ARIH2: variants seen among roughly 807,000 people sequenced by gnomAD.
ARIH2 encodes the protein ariadne RBR E3 ubiquitin protein ligase 2, also known as E3 ubiquitin-protein ligase ARIH2.
In ARIH2, 12 loss-of-function variants were observed where a neutral mutation model predicts 79.8. The observed-to-expected ratio is 0.15, with a 90% CI of 0.10 to 0.24. ARIH2 has a LOEUF of 0.24. ARIH2 is among the 10% of genes least tolerant of loss of function. ARIH2 has a pLI of 1.00. For missense variants in ARIH2, 301 were observed against 618.3 expected, an observed-to-expected ratio of 0.49 and a Z score of 5.44; for synonymous variants, 224 against 213.9, an observed-to-expected ratio of 1.05 and a Z score of -0.41.
At chr3:48,919,376 G>T in intron 1 of ARIH2, 2 of 453,862 alleles carry the variant, frequency 4.4e-6, no homozygotes. Context: ...TTTAACGCCC[G>T]CCTGTGGAGG....
At chr3:48,966,108 A>AT (rs2091770109) in intron 5 of ARIH2, among the ~76,000 whole-genome samples, 2 of 152,210 alleles carry the variant, frequency 1.3e-5, no homozygotes, top group Non-Finnish European at 2.9e-5. Context: ...TAGAAGCTGT[A>AT]TTTTAACAAT....
chr3:48,970,736 G>C, intron 8 of ARIH2, 32 bp downstream of exon 8: 1 of 1,534,816 alleles, frequency 6.5e-7, no homozygotes, highest in South Asian at 1.1e-5. Context: ...GAGCAGCCCT[G>C]GGCTCATGCC....
At chr3:48,932,254 T>C (rs1576170432) in intron 3 of ARIH2, among the ~76,000 whole-genome samples, 1 of 152,142 alleles carries the variant, frequency 6.6e-6, no homozygotes, top group Non-Finnish European at 1.5e-5. Context: ...AGAAGCATTA[T>C]TTGAGAATGA....
intron 11 of ARIH2, among the ~76,000 whole-genome samples, chr3:48,976,917 C>A (rs966316788): frequency 8.1e-5 from 12 of 148,812 alleles, no homozygotes; most frequent in Admixed American, 2.0e-4. Context: ...AAAAAAAAAA[C>A]TGGCTGGGCG....
intron 3 of ARIH2, among the ~76,000 whole-genome samples, chr3:48,946,880 C>T (rs922445802): frequency 1.3e-5 from 2 of 152,130 alleles, no homozygotes; most frequent in African/African-American, 4.8e-5. Context: ...TCACTCTTCA[C>T]AATAAACTTT....
At chr3:48,951,546 ATCCC>A (rs1301629376) in intron 3 of ARIH2, among the ~76,000 whole-genome samples, 1 of 152,252 alleles carries the variant, frequency 6.6e-6, no homozygotes, top group East Asian at 1.9e-4. Flanking sequence ...CATCAGTAAA[ATCCC>A]TGGGCCTGGA....
rs1452474101 is a variant in ARIH2, at chr3:48,966,175, G to T, written c.388-950G>T. Among the ~76,000 whole-genome samples, 7 of 152,064 alleles carry T rather than the reference G, an allele frequency of 4.6e-5. No individual in the cohort carries two copies. In the South Asian group the frequency reaches 1.0e-3, roughly 23 times the overall value. On this transcript the variant is annotated intron_variant, in intron 5 of 15. Coordinates refer to ENST00000356401, the MANE Select transcript of ARIH2 (RefSeq NM_006321.4). ...AACGAACATATGTCGAATATTTTTT[G>T]AATGAGGGCCATGCTAAAATAGATC...
In ARIH2 at chr3:48,970,665, C is replaced by T; in HGVS notation, c.731C>T (p.Ala244Val). 1 of 1,614,078 alleles carries T rather than the reference C, an allele frequency of 6.2e-7. No individual in the cohort carries two copies. Among genetic ancestry groups the T allele is most frequent in the Non-Finnish European group, 8.5e-7 (1 of 1,179,940 alleles). The change falls in exon 8 of 16, where the codon GCT becomes GTT. Residue 244 changes from alanine (A) to valine (V), a missense_variant. Physicochemically the swap from Ala to Val is moderately conservative, Grantham distance 64. This residue lies in a region of ARIH2 where 223 missense variants were observed against 349.4 expected (regional missense o/e 0.64). Coordinates refer to ENST00000356401, the MANE Select transcript of ARIH2 (RefSeq NM_006321.4). ...GTTATTCGGGTACAGGAGCCTAGAGCTCGCCGAGTACAGTGCAATCGGTGC... is the reference window on the plus strand; with the variant it reads ...GTTATTCGGGTACAGGAGCCTAGAGTTCGCCGAGTACAGTGCAATCGGTGC... ...PMVIRVQEPRARRVQCNRCNE... is the reference protein window; with the variant it reads ...PMVIRVQEPRVRRVQCNRCNE...
chr3:48,934,388 T>C lies in ARIH2; in HGVS notation c.255+6575T>C, dbSNP rs567602434. 7.2e-6 allele frequency: 7 copies of C among 969,208 alleles called. No individual in the cohort carries two copies. The East Asian group carries it at 8.0e-4, about 111-fold the overall frequency. The allele number at this position is 969,208 out of a possible 1,614,324, so 60.0% of individuals were successfully genotyped here. A position where few individuals can be genotyped will look rare whatever the true frequency, so the allele number is the denominator to read the frequency against. The stretch of plus-strand genomic sequence containing the variant: ...GCTGAATTTTAAGATCATTCTATTT[T>C]TATTTACTTACAGTCATTAATTGAC... On this transcript the variant is annotated intron_variant, in intron 3 of 15. Coordinates refer to ENST00000356401, the MANE Select transcript of ARIH2 (RefSeq NM_006321.4).
At chr3:48,969,892 G>GT (rs1316536295) in intron 7 of ARIH2, among the ~76,000 whole-genome samples, 4,992 of 137,304 alleles carry the variant, frequency 0.036, 195 homozygotes, top group African/African-American at 0.087. Context: ...TCAGATATAT[G>GT]TTTTTTTTTT....
intron 3 of ARIH2, among the ~76,000 whole-genome samples, chr3:48,942,209 C>T (rs2088399208): frequency 6.6e-6 from 1 of 151,990 alleles, no homozygotes. Flanking sequence ...CGCCACCACG[C>T]CCAGGTAATT....
At position 48,981,551 on chromosome 3, in the gene ARIH2, A is replaced by G. The variant is rs905186145; in HGVS notation, c.1258-109A>G. 34 of 821,458 alleles carry G rather than the reference A, an allele frequency of 4.1e-5. 1 individual carries two copies. Among genetic ancestry groups the G allele is most frequent in the South Asian group, 3.2e-4 (20 of 63,130 alleles). 50.9% of individuals were successfully genotyped at this position (821,458 alleles called of 1,614,324 possible). On this transcript the variant is annotated intron_variant, in intron 13 of 15. Coordinates refer to ENST00000356401, the MANE Select transcript of ARIH2 (RefSeq NM_006321.4). ...TATCATTTCTTTCAGGCCTATATCT[A>G]TAGAGCTGGGCTAATTTGCATGTTG...
At chr3:48,959,141 C>T (rs1215529418) in intron 3 of ARIH2, among the ~76,000 whole-genome samples, 2 of 151,382 alleles carry the variant, frequency 1.3e-5, no homozygotes, top group South Asian at 4.2e-4. Flanking sequence ...ACGGTGAAAC[C>T]CCATCTCTAC....
chr3:48,984,555 G>A lies in ARIH2; in HGVS notation c.*1285G>A, dbSNP rs894807689. 3 of 152,270 alleles carry A rather than the reference G, an allele frequency of 2.0e-5. No homozygotes were observed. Among genetic ancestry groups the A allele is most frequent in the Non-Finnish European group, 2.9e-5 (2 of 68,064 alleles). 9.4% of individuals were successfully genotyped at this position (152,270 alleles called of 1,614,324 possible). A position where few individuals can be genotyped will look rare whatever the true frequency, so the allele number is the denominator to read the frequency against. On this transcript the variant is annotated 3_prime_UTR_variant, in exon 16 of 16. Transcript: ENST00000356401. ...TGCACAATGAAGCGCAAGGGAACAA[G>A]TGGTTTGCCTGGTGTCCTACCTGTC...
chr3:48,939,778 A>G (rs2087786390), intron 3 of ARIH2, among the ~76,000 whole-genome samples: 1 of 146,928 alleles, frequency 6.8e-6, no homozygotes, highest in South Asian at 2.1e-4. Flanking sequence ...AAAAAAAAAC[A>G]AAAACAAAAA....
At chr3:48,978,483 A>AT (rs58279033) in intron 11 of ARIH2, among the ~76,000 whole-genome samples, 1,354 of 40,232 alleles carry the variant, frequency 0.034, 21 homozygotes, top group East Asian at 0.074. Context: ...ATATATATAT[A>AT]TTTTTTTTTT....
Position 48,964,991 on chromosome 3 carries a change from C to T in ARIH2, c.387+9C>T, listed in dbSNP as rs2091630218. 1 of 1,611,590 alleles carries T rather than the reference C, an allele frequency of 6.2e-7. No individual in the cohort carries two copies. ...CTAATCCATCAAAACATGTGAGTGT[C>T]TATTACTTGAATGAGGCTTCTCCTA... is the stretch of plus-strand genomic sequence containing the variant. On this transcript the variant is annotated intron_variant, in intron 5 of 15. Coordinates refer to ENST00000356401, the MANE Select transcript of ARIH2 (RefSeq NM_006321.4).
At chr3:48,958,449 C>T (rs1380911669) in intron 3 of ARIH2, among the ~76,000 whole-genome samples, 8 of 152,148 alleles carry the variant, frequency 5.3e-5, no homozygotes, top group East Asian at 1.9e-4. Flanking sequence ...CGGTGGCTCA[C>T]GCCTGTAATC....
At chr3:48,981,493 G>A (rs1252203530) in intron 13 of ARIH2, among the ~76,000 whole-genome samples, 167 bp from the exon 14 acceptor site, 3 of 152,040 alleles carry the variant, frequency 2.0e-5, no homozygotes, top group Admixed American at 1.3e-4. Flanking sequence ...TTTCCCTCAT[G>A]TCTTTTCCCA....
Sources: gnomAD v4.1 joint callset for allele counts (sites outside exome capture counted in the v4.1 genomes callset) on GRCh38, gnomAD v4.1.1 for gene constraint, gnomAD v4.1.1 regional missense constraint, MANE v1.5 for transcripts, NCBI Gene and HGNC (gene_info 2026-07-23, HGNC 2026-07-21) for gene names.